SLC12A7: variants seen among roughly 807,000 people sequenced by gnomAD.
SLC12A7 encodes the protein solute carrier family 12 member 7, also known as K-Cl cotransporter 4.
In SLC12A7, 100 loss-of-function variants were observed where a neutral mutation model predicts 120.6. That is an observed-to-expected ratio of 0.83 (90% confidence interval 0.71 to 0.98). The LOEUF (loss-of-function observed/expected upper bound fraction) is 0.98, where lower values mean the gene tolerates loss of function less well. Ranked by LOEUF, SLC12A7 falls within the 50% of genes least tolerant of loss-of-function variation. The probability of loss-of-function intolerance (pLI) is 0.00; values close to 1 mark genes in which losing one functional copy is unlikely to be tolerated. For synonymous variants in SLC12A7, 760 were observed against 678.0 expected (o/e 1.12, Z -1.88); for missense variants, 1,373 against 1,548.1 (o/e 0.89, Z 1.90).
At chr5:1,118,340 G>T in the SLC12A7 span, among the ~76,000 whole-genome samples, 1 of 152,226 alleles carries the variant, frequency 6.6e-6, no homozygotes, top group African/African-American at 2.4e-5. Flanking sequence ...GTTACATGAG[G>T]GGGAGTCCAT....
rs760276501 is a variant in SLC12A7, at chr5:1,052,325, G to A, written c.*35C>T. ...GCCCAGGCTGCCCACGCCGTCCTCC[G>A]TGCCTGTCCCAGAGTGCCGTGATGC... On this transcript the variant is annotated 3_prime_UTR_variant, in exon 24 of 24. Transcript: ENST00000264930. 41 of 1,576,500 alleles carry A rather than the reference G, an allele frequency of 2.6e-5. No individual in the cohort carries two copies. The highest frequency in any genetic ancestry group is 3.4e-5 in the Non-Finnish European group (39 of 1,147,146).
Position 1,064,168 on chromosome 5 carries a change from A to G in SLC12A7, c.2522T>C (p.Phe841Ser). The change falls in exon 19 of 24, where the codon TTC becomes TCC. Residue 841 changes from phenylalanine (F) to serine (S), a missense_variant. Coordinates refer to ENST00000264930, the MANE Select transcript of SLC12A7 (RefSeq NM_006598.3). ...VDSFPQNQER[F>S]GGGHIDVWWI... ...CCACACGTCGATGTGGCCCCCGCCG[A>G]AGCGCTCCTGGTTTTGCGGAAACGA... 1 of 1,612,316 alleles carries G rather than the reference A, an allele frequency of 6.2e-7. No individual in the cohort carries two copies. The highest frequency in any genetic ancestry group is 8.5e-7 in the Non-Finnish European group (1 of 1,179,656).
chr5:1,064,227 C>T lies in SLC12A7; in HGVS notation c.2463G>A (p.Ala821=), dbSNP rs755001086. Residue 821 remains alanine (A), a synonymous_variant, in exon 19 of 24, where the codon GCG becomes GCA. Transcript: ENST00000264930. ...FVDTVRDTTA[A]HQALLVAKNV... is the part of the protein sequence containing the mutation. The stretch of plus-strand genomic sequence containing the variant: ...TCTTGGCCACCAGCAGAGCCTGGTG[C>T]GCGGCGGTGGTGTCGCGGACGGTGT... 11 of 1,611,586 alleles carry T rather than the reference C, an allele frequency of 6.8e-6. No individual in the cohort carries two copies. In the Admixed American group the frequency reaches 8.4e-5, roughly 12 times the overall value.
At chr5:1,112,066 G>A, upstream of SLC12A7, 1 of 1,197,778 alleles carries the variant, frequency 8.3e-7, no homozygotes, top group Non-Finnish European at 1.0e-6. Context: ...ACGGGACTTG[G>A]AGGCAGGGGC....
At chr5:1,135,049 C>T in the SLC12A7 span, among the ~76,000 whole-genome samples, 406 of 152,214 alleles carry the variant, frequency 2.7e-3, no homozygotes, top group Non-Finnish European at 3.2e-3. Flanking sequence ...ATCGCTTGAA[C>T]CCGGGAGGCA....
chr5:1,095,857 G>A (rs758733696), intron 1 of SLC12A7, among the ~76,000 whole-genome samples: 2 of 152,222 alleles, frequency 1.3e-5, no homozygotes, highest in Non-Finnish European at 2.9e-5. Context: ...TGCCTGGGGC[G>A]GAAAGCACAG....
chr5:1,129,325 C>A, the SLC12A7 span, among the ~76,000 whole-genome samples: 1 of 152,324 alleles, frequency 6.6e-6, no homozygotes, highest in Non-Finnish European at 1.5e-5. Context: ...TCAGGTAACA[C>A]CCCCACCTCC....
rs568061992 is a variant in SLC12A7 at position 1,093,175 on chromosome 5, C to T, written c.342+358G>A. 5.9e-5 allele frequency among the ~76,000 whole-genome samples: 9 copies of T among 152,278 alleles called. No homozygotes were observed. The South Asian group carries it at 6.2e-4, about 11-fold the overall frequency. ...CCTGGGAGCACCGAGGCCACAGCACCCTCTGGAAGGGGCCACGTCCCGGCC... is the reference window on the plus strand; with the variant it reads ...CCTGGGAGCACCGAGGCCACAGCACTCTCTGGAAGGGGCCACGTCCCGGCC... On this transcript the variant is annotated intron_variant, in intron 3 of 23. Transcript: ENST00000264930.
rs765469405 is a variant in SLC12A7, at chr5:1,073,812, G to T, written c.2073-11C>A. 5 of 1,403,138 alleles carry T rather than the reference G, an allele frequency of 3.6e-6. No homozygotes were observed. The highest frequency in any genetic ancestry group is 2.7e-5 in the Admixed American group (1 of 36,972). The allele number at this position is 1,403,138 out of a possible 1,614,324, so 86.9% of individuals were successfully genotyped here. Reference sequence around the variant, plus strand: ...ACCAGCACCTGGGGCCTGCAGCCAGGGTGGGGCGGCTGTTACCACGGCAAC... The same window carrying T: ...ACCAGCACCTGGGGCCTGCAGCCAGTGTGGGGCGGCTGTTACCACGGCAAC... On this transcript the variant is annotated splice_polypyrimidine_tract_variant and intron_variant, in intron 16 of 23. Coordinates refer to ENST00000264930, the MANE Select transcript of SLC12A7 (RefSeq NM_006598.3).
At chr5:1,087,640 C>A (rs146713449) in intron 5 of SLC12A7, among the ~76,000 whole-genome samples, 1 of 152,218 alleles carries the variant, frequency 6.6e-6, no homozygotes, top group South Asian at 2.1e-4. Flanking sequence ...CGGGGAAGTC[C>A]GCTGAGCACC....
chr5:1,077,927 A>T lies in SLC12A7; in HGVS notation c.1535T>A (p.Phe512Tyr), dbSNP rs546796584. 1.6e-5 allele frequency: 25 copies of T among 1,601,566 alleles called. No homozygotes were observed. Among genetic ancestry groups the T allele is most frequent in the Non-Finnish European group, 2.0e-5 (24 of 1,174,732 alleles). The change falls in exon 12 of 24, where the codon TTC becomes TAC. Residue 512 changes from phenylalanine to tyrosine, a missense_variant. Coordinates refer to ENST00000264930, the MANE Select transcript of SLC12A7 (RefSeq NM_006598.3). ...CAGGCCGGCACCGCAGGTGGAGAAG[A>T]AGGAGCCGATGACGATGACCCAGGG... is the stretch of plus-strand genomic sequence containing the variant. ...PSPWVIVIGS[F>Y]FSTCGAGLQS...
At chr5:1,103,781 C>A (rs1742237971) in intron 1 of SLC12A7, among the ~76,000 whole-genome samples, 1 of 152,242 alleles carries the variant, frequency 6.6e-6, no homozygotes. Context: ...TACAGCCCTT[C>A]CATCTAAAGG....
Position 1,083,947 on chromosome 5 carries a change from G to A in SLC12A7, c.927C>T (p.Leu309=). Residue 309 remains leucine, a synonymous_variant, in exon 8 of 24, where the codon CTC becomes CTT. Transcript: ENST00000264930. ...GCCGTGACAGCGTGCGGTTCCCCAG[G>A]AGGCAGACCCTGGGCGGGACAGGGA... is the stretch of plus-strand genomic sequence containing the variant. The part of the protein sequence containing the change: ...AFDPPDIPVC[L]LGNRTLSRRS... 1.2e-6 allele frequency: 2 copies of A among 1,602,240 alleles called. No individual in the cohort carries two copies. Among genetic ancestry groups the A allele is most frequent in the Non-Finnish European group, 1.7e-6 (2 of 1,179,772 alleles).
chr5:1,097,053 C>T (rs956340079), intron 1 of SLC12A7, among the ~76,000 whole-genome samples: 4 of 152,120 alleles, frequency 2.6e-5, no homozygotes, highest in Admixed American at 1.3e-4. Flanking sequence ...TGCGTGGCTC[C>T]GGAGGCTCAG....
chr5:1,066,150 C>T (rs1313704684), intron 17 of SLC12A7, among the ~76,000 whole-genome samples: 3 of 152,208 alleles, frequency 2.0e-5, no homozygotes, highest in Non-Finnish European at 2.9e-5. Flanking sequence ...ACCCCAGGGC[C>T]TGCCCTGCTG....
At position 1,087,062 on chromosome 5, in the gene SLC12A7, T is replaced by G. The variant is rs772390700; in HGVS notation, c.545-29A>C. 8 of 1,598,458 alleles carry G rather than the reference T, an allele frequency of 5.0e-6. No individual in the cohort carries two copies. In the South Asian group the frequency reaches 8.9e-5, roughly 18 times the overall value. ...CGGAGACAAAGGCGGCAGCCGCGGG[T>G]CAGGGGCGCACTTGGACTCGGACCC... is the stretch of plus-strand genomic sequence containing the variant. On this transcript the variant is annotated intron_variant, in intron 5 of 23. Coordinates refer to ENST00000264930, the MANE Select transcript of SLC12A7 (RefSeq NM_006598.3).
the SLC12A7 span, among the ~76,000 whole-genome samples, chr5:1,128,496 A>G: frequency 2.0e-5 from 3 of 152,224 alleles, no homozygotes; most frequent in Non-Finnish European, 4.4e-5. Flanking sequence ...TTCCTTCCTC[A>G]TGTGGTTGAT....
intron 22 of SLC12A7, among the ~76,000 whole-genome samples, chr5:1,055,133 T>C (rs970701393): frequency 1.3e-4 from 20 of 152,070 alleles, no homozygotes; most frequent in African/African-American, 4.8e-4. Context: ...CTAATGTGTA[T>C]ACGCACACAC....
chr5:1,137,465 G>T, the SLC12A7 span, among the ~76,000 whole-genome samples: 124,444 of 151,752 alleles, frequency 0.82, 51,245 homozygotes, highest in East Asian at 1. Flanking sequence ...GCCCCAGGGG[G>T]TCCCCACTGC....
Sources: gnomAD v4.1 joint callset for allele counts (sites outside exome capture counted in the v4.1 genomes callset) on GRCh38, gnomAD v4.1.1 for gene constraint, MANE v1.5 for transcripts, NCBI Gene and HGNC (gene_info 2026-07-23, HGNC 2026-07-21) for gene names.